GRM4: variants seen among roughly 807,000 people sequenced by gnomAD.
The protein encoded by GRM4 is metabotropic glutamate receptor 4.
A neutral mutation model predicts 81.7 loss-of-function variants in GRM4; 28 were observed. That is an observed-to-expected ratio of 0.34 (90% CI 0.25 to 0.47). GRM4 has a LOEUF of 0.47. Ranked by LOEUF, GRM4 falls within the 20% of genes least tolerant of loss-of-function variation. The probability of loss-of-function intolerance (pLI) is 1.00; values close to 1 mark genes in which losing one functional copy is unlikely to be tolerated. For missense variants in GRM4, 948 were observed against 1,290.0 expected, an observed-to-expected ratio of 0.73 and a Z score of 4.06; for synonymous variants, 488 against 528.8, an observed-to-expected ratio of 0.92 and a Z score of 1.06.
chr6:34,109,519 G>A (rs1202444449), intron 2 of GRM4, among the ~76,000 whole-genome samples: 1 of 152,156 alleles, frequency 6.6e-6, no homozygotes. Context: ...CAGACAATGG[G>A]CATCTGCAGA....
At chr6:34,102,603 T>C (rs935605966) in intron 2 of GRM4, among the ~76,000 whole-genome samples, 1 of 152,164 alleles carries the variant, frequency 6.6e-6, no homozygotes, top group Non-Finnish European at 1.5e-5. Flanking sequence ...TCACCTCCTC[T>C]GCTTTGATTT....
intron 2 of GRM4, among the ~76,000 whole-genome samples, chr6:34,104,491 T>TA (rs1769018507): frequency 6.6e-6 from 1 of 152,210 alleles, no homozygotes. Flanking sequence ...TACCTTCATT[T>TA]TTCAGATGAG....
rs1275541040 is a variant in GRM4, at chr6:34,078,608, G to A, written c.736+13275C>T. ...CTGTTTCCTACCTGTGAAATGGGGT[G>A]GGCATGGAGGCTCAGGGAGATGGTC... is the stretch of plus-strand genomic sequence containing the variant. On this transcript the variant is annotated intron_variant, in intron 3 of 10. Coordinates refer to ENST00000538487, the MANE Select transcript of GRM4 (RefSeq NM_000841.4). This position sits in a 1 kb window ranked among gnomAD's most constrained non-coding sequence, Gnocchi z 4.8. 6.6e-6 allele frequency among the ~76,000 whole-genome samples: 1 copy of A among 152,058 alleles called. No individual in the cohort carries two copies. Among genetic ancestry groups the A allele is most frequent in the African/African-American group, 2.4e-5 (1 of 41,382 alleles).
intron 9 of GRM4, among the ~76,000 whole-genome samples, chr6:34,031,424 A>G (rs1764416720): frequency 6.6e-6 from 1 of 152,214 alleles, no homozygotes; most frequent in Non-Finnish European, 1.5e-5. Flanking sequence ...GGGCACAGGA[A>G]GGAGCAGCTG....
chr6:34,091,532 T>A, intron 3 of GRM4: 1 of 261,156 alleles, frequency 3.8e-6, no homozygotes. Context: ...GCCCATCACC[T>A]GAGTCCCTGA....
rs1027343663 is a variant in GRM4 at position 34,040,899 on chromosome 6, A to G, written c.1169-151T>C. ...CTCCTGACTCCCAGCCCAGTGCTCTATCACCCAGGAGATGGCCCTGTGGAG... is the reference window on the plus strand; with the variant it reads ...CTCCTGACTCCCAGCCCAGTGCTCTGTCACCCAGGAGATGGCCCTGTGGAG... On this transcript the variant is annotated intron_variant, in intron 6 of 10. Coordinates refer to ENST00000538487, the MANE Select transcript of GRM4 (RefSeq NM_000841.4). The G allele has an allele frequency of 2.0e-5, 13 of 659,512 alleles. No homozygotes were observed. In the East Asian group the frequency reaches 2.4e-4, roughly 12 times the overall value. 40.9% of individuals were successfully genotyped at this position (659,512 alleles called of 1,614,324 possible). A position where few individuals can be genotyped will look rare whatever the true frequency, so the allele number is the denominator to read the frequency against.
chr6:34,083,726 T>C (rs1767732784), intron 3 of GRM4, among the ~76,000 whole-genome samples: 1 of 152,080 alleles, frequency 6.6e-6, no homozygotes, highest in Admixed American at 6.5e-5. Flanking sequence ...AGGCAGCTGG[T>C]GGAACAGTAC....
chr6:34,035,650 C>A lies in GRM4; in HGVS notation c.2442+18G>T, dbSNP rs1764651574. ...GCCCTCACCTACCCACCGTCCACCC[C>A]CGGCCCCCACCACTCACCTTGTCGG... On this transcript the variant is annotated intron_variant, in intron 9 of 10. Coordinates refer to ENST00000538487, the MANE Select transcript of GRM4 (RefSeq NM_000841.4). This position sits in a 1 kb window ranked among gnomAD's most constrained non-coding sequence, Gnocchi z 6.6. The A allele has an allele frequency of 4.7e-6, 7 of 1,492,376 alleles. No individual in the cohort carries two copies. Among genetic ancestry groups the A allele is most frequent in the South Asian group, 2.5e-5 (2 of 80,036 alleles). 92.4% of individuals were successfully genotyped at this position (1,492,376 alleles called of 1,614,324 possible). A position where few individuals can be genotyped will look rare whatever the true frequency, so the allele number is the denominator to read the frequency against.
intron 4 of GRM4, 110 bp downstream of exon 4, chr6:34,061,783 C>T: frequency 8.4e-7 from 1 of 1,185,956 alleles, no homozygotes; most frequent in Non-Finnish European, 1.2e-6. Context: ...CTCTCTGGAT[C>T]CCAGGGTGGG....
In GRM4 at chr6:34,074,869, C is replaced by T. The variant is rs774336917; in HGVS notation, c.737-12841G>A. Among the ~76,000 whole-genome samples the T allele has an allele frequency of 1.1e-4, 16 of 152,270 alleles. No individual in the cohort carries two copies. The highest frequency in any genetic ancestry group is 3.4e-3 in the Middle Eastern group (1 of 294). ...TGGTTCCTGGCCCCCACCAAAAGCC[C>T]CCCAGAGGTCCCTACCCCAGGTCAA... On this transcript the variant is annotated intron_variant, in intron 3 of 10. Transcript: ENST00000538487. The surrounding 1 kb of genome is among the most constrained non-coding windows in gnomAD (Gnocchi z 4.9).
chr6:34,066,115 C>G (rs1766452354), intron 3 of GRM4, among the ~76,000 whole-genome samples: 1 of 152,138 alleles, frequency 6.6e-6, no homozygotes, highest in Non-Finnish European at 1.5e-5. Flanking sequence ...TCCATTGGAA[C>G]CCTCTGCAGA....
intron 2 of GRM4, chr6:34,103,778 C>G: frequency 6.9e-7 from 1 of 1,453,308 alleles, no homozygotes; most frequent in Non-Finnish European, 9.0e-7. Context: ...TTGGGCAAGT[C>G]ACCTCCTTTG....
chr6:34,086,151 C>T (rs987514083), intron 3 of GRM4, among the ~76,000 whole-genome samples: 29 of 152,336 alleles, frequency 1.9e-4, no homozygotes, highest in African/African-American at 6.7e-4. Context: ...ACCTCATCCC[C>T]GTGGAGCCTC....
intron 6 of GRM4, among the ~76,000 whole-genome samples, chr6:34,041,307 A>T (rs1358371373): frequency 1.3e-5 from 2 of 152,144 alleles, no homozygotes; most frequent in East Asian, 3.9e-4. Context: ...GACTGCCCTC[A>T]ATGGTTTCTA....
chr6:34,028,635 G>C (rs1764259839), intron 9 of GRM4, among the ~76,000 whole-genome samples: 1 of 152,162 alleles, frequency 6.6e-6, no homozygotes, highest in South Asian at 2.1e-4. Context: ...TTACCTCCTA[G>C]GGCTGTTGTG....
rs554889868 is a variant in GRM4 at position 34,135,623 on chromosome 6, G to T, written c.-363-1764C>A. ...CCAGTGCTTTGAGGAAGGCTTAAGA[G>T]CCATTAAAATACAAGGCGGGGAGCT... On this transcript the variant is annotated intron_variant, in intron 1 of 10. Coordinates refer to ENST00000538487, the MANE Select transcript of GRM4 (RefSeq NM_000841.4). Among the ~76,000 whole-genome samples, 6 of 152,358 alleles carry T rather than the reference G, an allele frequency of 3.9e-5. No homozygotes were observed. The South Asian group carries it at 1.2e-3, about 32-fold the overall frequency.
chr6:34,126,015 G>T (rs888010484), intron 2 of GRM4, among the ~76,000 whole-genome samples: 1 of 152,164 alleles, frequency 6.6e-6, no homozygotes, highest in Admixed American at 6.5e-5. Flanking sequence ...GCACATTATC[G>T]CTTCTGCCAG....
Position 34,092,906 on chromosome 6 carries a change from A to G in GRM4, c.520-807T>C, listed in dbSNP as rs1768317267. Among the ~76,000 whole-genome samples the G allele has an allele frequency of 6.6e-6, 1 of 152,004 alleles. No homozygotes were observed. Among genetic ancestry groups the G allele is most frequent in the Admixed American group, 6.5e-5 (1 of 15,278 alleles). ...GTAGATACACCCAACCATCCCCAGGACAGGGAAGGGGTATGGTCCCTCCTC... is the reference window on the plus strand; with the variant it reads ...GTAGATACACCCAACCATCCCCAGGGCAGGGAAGGGGTATGGTCCCTCCTC... On this transcript the variant is annotated intron_variant, in intron 2 of 10. Transcript: ENST00000538487. This position sits in a 1 kb window ranked among gnomAD's most constrained non-coding sequence, Gnocchi z 6.8.
intron 1 of GRM4, among the ~76,000 whole-genome samples, chr6:34,140,728 C>T (rs1770651996): frequency 6.6e-6 from 1 of 152,238 alleles, no homozygotes. Context: ...TCTAGTTTTC[C>T]AGCACAAGAC....
Sources: gnomAD v4.1 joint callset for allele counts (sites outside exome capture counted in the v4.1 genomes callset) on GRCh38, gnomAD v4.1.1 for gene constraint, Gnocchi (gnomAD v3.1) non-coding constraint, MANE v1.5 for transcripts, NCBI Gene and HGNC (gene_info 2026-07-23, HGNC 2026-07-21) for gene names.